Variants in PRELID2 observed in about 807,000 individuals in gnomAD.
PRELID2 encodes the protein PRELI domain containing 2.
In PRELID2, 25 loss-of-function variants were observed where a neutral mutation model predicts 28.4. The ratio of observed to expected loss-of-function variants is 0.88; its 90% CI spans 0.64 to 1.23. The LOEUF is 1.23. Among genes scored for constraint, PRELID2 ranks in the 50% most tolerant of loss-of-function variants. PRELID2 has a pLI of 0.00. For missense variants in PRELID2, 201 were observed against 214.4 expected (o/e 0.94, Z 0.39); for synonymous variants, 76 against 71.6 (o/e 1.06, Z -0.31).
At chr5:145,394,923 CT>C in the PRELID2 span, among the ~76,000 whole-genome samples, 686 of 152,186 alleles carry the variant, frequency 4.5e-3, 2 homozygotes, top group African/African-American at 0.016. Context: ...CTCTTAGGGC[CT>C]CTCTGTCTTT....
the PRELID2 span, among the ~76,000 whole-genome samples, chr5:145,457,737 A>G: frequency 6.6e-6 from 1 of 152,170 alleles, no homozygotes; most frequent in Non-Finnish European, 1.5e-5. Context: ...GGACATTTAT[A>G]AATTCATAAA....
At chr5:145,691,285 G>C (rs925421656) in intron 1 of PRELID2, among the ~76,000 whole-genome samples, 2 of 152,110 alleles carry the variant, frequency 1.3e-5, no homozygotes, top group African/African-American at 2.4e-5. Flanking sequence ...GCTAACATAG[G>C]ACCAAGCACA....
At chr5:145,394,014 T>C in the PRELID2 span, among the ~76,000 whole-genome samples, 4 of 152,116 alleles carry the variant, frequency 2.6e-5, no homozygotes, top group Non-Finnish European at 5.9e-5. Context: ...ATTGTGGAAG[T>C]CAGTGTGGCG....
At chr5:145,691,422 T>G (rs1036037631) in intron 1 of PRELID2, among the ~76,000 whole-genome samples, 1 of 152,042 alleles carries the variant, frequency 6.6e-6, no homozygotes, top group Non-Finnish European at 1.5e-5. Context: ...TATCTAAGAC[T>G]CGGCCGGGCG....
rs1329955390 is a variant in PRELID2, at chr5:145,665,693, C to T, written n.70+99238G>A. Among the ~76,000 whole-genome samples the T allele has an allele frequency of 2.0e-5, 3 of 152,194 alleles. No homozygotes were observed. In the East Asian group the frequency reaches 5.8e-4, roughly 29 times the overall value. On this transcript the variant is annotated intron_variant and non_coding_transcript_variant, in intron 1 of 2. Coordinates refer to the PRELID2 transcript ENST00000510259. ...TCACTCCCCACCATAACACTATGTC[C>T]TGGTCACCCCAAATTTCTCATATTC...
chr5:145,259,339 T>G, the PRELID2 span, among the ~76,000 whole-genome samples: 4 of 152,140 alleles, frequency 2.6e-5, no homozygotes, highest in Non-Finnish European at 5.9e-5. Flanking sequence ...GTAGATTCAC[T>G]GACAGTTTGC....
At chr5:145,454,847 T>G in the PRELID2 span, among the ~76,000 whole-genome samples, 1 of 151,906 alleles carries the variant, frequency 6.6e-6, no homozygotes, top group Non-Finnish European at 1.5e-5. Flanking sequence ...TCTTGTAAAT[T>G]TGTTTAAGTT....
intron 1 of PRELID2, among the ~76,000 whole-genome samples, chr5:145,520,413 G>A (rs780917744): frequency 1.3e-5 from 2 of 152,134 alleles, no homozygotes; most frequent in African/African-American, 4.8e-5. Context: ...TATCCGTCAG[G>A]TCTCATCTTG....
chr5:145,566,783 T>C (rs1323646468), intron 1 of PRELID2, among the ~76,000 whole-genome samples: 2 of 137,842 alleles, frequency 1.5e-5, no homozygotes, highest in African/African-American at 5.5e-5. Context: ...GAGGTTGCAG[T>C]GAACCAAGAT....
intron 1 of PRELID2, among the ~76,000 whole-genome samples, chr5:145,685,001 C>G (rs1036001213): frequency 6.6e-6 from 1 of 152,102 alleles, no homozygotes; most frequent in Admixed American, 6.6e-5. Context: ...TATCTTCCTC[C>G]CTCACTGTCC....
At chr5:145,341,789 C>T in the PRELID2 span, among the ~76,000 whole-genome samples, 1 of 150,552 alleles carries the variant, frequency 6.6e-6, no homozygotes, top group South Asian at 2.1e-4. Flanking sequence ...TTTGAATTAT[C>T]AGTATTGCTG....
At chr5:145,262,851 A>G in the PRELID2 span, among the ~76,000 whole-genome samples, 5 of 152,196 alleles carry the variant, frequency 3.3e-5, no homozygotes, top group African/African-American at 1.2e-4. Context: ...CAATACGAAC[A>G]TTGAATATAA....
chr5:145,506,596 T>C (rs1223081306), intron 1 of PRELID2, among the ~76,000 whole-genome samples: 1 of 152,138 alleles, frequency 6.6e-6, no homozygotes, highest in Admixed American at 6.6e-5. Context: ...ATTTAAAACC[T>C]TGAAGAACTT....
rs2149738307 is a variant in PRELID2 at position 145,741,226 on chromosome 5, A to ATG, written n.70+23704_70+23705insCA. 1.3e-4 allele frequency among the ~76,000 whole-genome samples: 9 copies of ATG among 69,444 alleles called. No homozygotes were observed. The South Asian group carries it at 4.3e-3, about 33-fold the overall frequency. 45.6% of individuals were successfully genotyped at this position (69,444 alleles called of 152,430 possible). ...ATATAAATATATATAAAATATATAT[A>ATG]TAATATATAATATAAATATATAATA... On this transcript the variant is annotated intron_variant and non_coding_transcript_variant, in intron 1 of 2. Coordinates refer to the PRELID2 transcript ENST00000510259.
At chr5:145,705,293 C>T (rs181536738) in intron 1 of PRELID2, among the ~76,000 whole-genome samples, 2 of 152,008 alleles carry the variant, frequency 1.3e-5, no homozygotes, top group African/African-American at 2.4e-5. Flanking sequence ...TGGGTTCAAG[C>T]AATTCTTCTG....
chr5:145,576,804 G>A (rs1398904108), intron 1 of PRELID2, among the ~76,000 whole-genome samples: 1 of 152,074 alleles, frequency 6.6e-6, no homozygotes, highest in Admixed American at 6.6e-5. Context: ...AAAATAGCTG[G>A]AAGAATTGTA....
the PRELID2 span, among the ~76,000 whole-genome samples, chr5:145,294,335 C>T: frequency 2.0e-5 from 3 of 152,256 alleles, no homozygotes; most frequent in Non-Finnish European, 2.9e-5. Context: ...CACATATGCT[C>T]ATTTAAATAA....
At chr5:145,255,055 T>A in the PRELID2 span, among the ~76,000 whole-genome samples, 381 of 152,182 alleles carry the variant, frequency 2.5e-3, 2 homozygotes, top group African/African-American at 9.0e-3. Flanking sequence ...CTGCCACCCC[T>A]CACACACTAA....
intron 1 of PRELID2, among the ~76,000 whole-genome samples, chr5:145,473,604 T>C (rs1752074283): frequency 6.6e-6 from 1 of 152,206 alleles, no homozygotes; most frequent in Non-Finnish European, 1.5e-5. Flanking sequence ...TCTTGCATTT[T>C]ACTATCTTTA....
Sources: gnomAD v4.1 joint callset for allele counts (sites outside exome capture counted in the v4.1 genomes callset) on GRCh38, gnomAD v4.1.1 for gene constraint, MANE v1.5 for transcripts, NCBI Gene and HGNC (gene_info 2026-07-23, HGNC 2026-07-21) for gene names.